TBC1D23: variants seen among roughly 807,000 people sequenced by gnomAD.
TBC1D23 encodes HCV non-structural protein 4A-transactivated protein 1.
A neutral mutation model predicts 91.4 loss-of-function variants in TBC1D23; 55 were observed. The ratio of observed to expected loss-of-function variants is 0.60; its 90% CI spans 0.48 to 0.75. TBC1D23 has a LOEUF of 0.75. TBC1D23 is among the 30% of genes least tolerant of loss of function. The pLI is 0.00. For missense variants in TBC1D23, 725 were observed against 836.1 expected (o/e 0.87, Z 1.64); for synonymous variants, 289 against 281.0 (o/e 1.03, Z -0.28).
chr3:100,321,174 C>T (rs1705852128), intron 18 of TBC1D23, among the ~76,000 whole-genome samples: 1 of 152,152 alleles, frequency 6.6e-6, no homozygotes, highest in African/African-American at 2.4e-5. Flanking sequence ...GAGTAAGTGC[C>T]ATAGCTAATT....
chr3:100,318,975 T>A, intron 16 of TBC1D23, 94 bp from the exon 17 acceptor site: 1 of 797,046 alleles, frequency 1.3e-6, no homozygotes. Flanking sequence ...AATCCATATC[T>A]TCAAAATACT....
Position 100,283,801 on chromosome 3 carries a change from T to A in TBC1D23, c.466T>A (p.Tyr156Asn). ...YNCFYAIMNKYIPRDCSQKGR... is the reference protein window; with the variant it reads ...YNCFYAIMNKNIPRDCSQKGR... ...CTGCTTTTATGCCATAATGAATAAG[T>A]ACATTCCCAGGTAAAATATGATTCA... The change falls in exon 4 of 19, where the codon TAC becomes AAC. Residue 156 changes from tyrosine (Y) to asparagine (N), a missense_variant. Physicochemically the swap from Tyr to Asn is moderately radical, Grantham distance 143 (BLOSUM62 -2). Coordinates refer to ENST00000394144, the MANE Select transcript of TBC1D23 (RefSeq NM_001199198.3). 1 of 1,602,928 alleles carries A rather than the reference T, an allele frequency of 6.2e-7. No individual in the cohort carries two copies. The highest frequency in any genetic ancestry group is 8.5e-7 in the Non-Finnish European group (1 of 1,170,092).
intron 18 of TBC1D23, among the ~76,000 whole-genome samples, chr3:100,322,640 A>G (rs1005450412): frequency 6.6e-6 from 1 of 152,216 alleles, no homozygotes; most frequent in African/African-American, 2.4e-5. Flanking sequence ...CTACTTATAA[A>G]TTAATCCTAA....
At chr3:100,310,040 C>T (rs771555167) in intron 13 of TBC1D23, among the ~76,000 whole-genome samples, 6 of 152,162 alleles carry the variant, frequency 3.9e-5, no homozygotes, top group Non-Finnish European at 8.8e-5. Flanking sequence ...GCTAAAAGTC[C>T]AAGATGAAAG....
At chr3:100,297,176 CT>C (rs755071936) in intron 8 of TBC1D23, among the ~76,000 whole-genome samples, 21 of 150,964 alleles carry the variant, frequency 1.4e-4, no homozygotes, top group Non-Finnish European at 2.5e-4. Context: ...ATGAGAGCAC[CT>C]TTTTTTTTAA....
chr3:100,311,959 C>G, intron 15 of TBC1D23, 82 bp downstream of exon 15: 5 of 927,776 alleles, frequency 5.4e-6, no homozygotes, highest in Non-Finnish European at 6.6e-6. Flanking sequence ...CTCATGCTGT[C>G]TTGGCTCAAA....
At chr3:100,290,831 G>T in intron 5 of TBC1D23, 130 bp downstream of exon 5, 5 of 647,918 alleles carry the variant, frequency 7.7e-6, no homozygotes, top group South Asian at 4.5e-5. Context: ...AAACCAAAGG[G>T]GTAAAATTAT....
chr3:100,293,672 A>G (rs2067812954), intron 5 of TBC1D23, among the ~76,000 whole-genome samples: 1 of 152,192 alleles, frequency 6.6e-6, no homozygotes, highest in South Asian at 2.1e-4. Flanking sequence ...TAGTAGCATT[A>G]TGTATTTTAA....
chr3:100,291,009 G>A (rs945303756), intron 5 of TBC1D23, among the ~76,000 whole-genome samples: 3 of 152,102 alleles, frequency 2.0e-5, no homozygotes, highest in Admixed American at 6.5e-5. Flanking sequence ...ATATGAATAT[G>A]TACATGTAAT....
intron 13 of TBC1D23, among the ~76,000 whole-genome samples, chr3:100,309,638 G>T (rs1444683534): frequency 1.2e-5 from 1 of 81,528 alleles, no homozygotes; most frequent in Non-Finnish European, 2.6e-5. Context: ...TTGAGACAGC[G>T]TCTCGCTCTG....
intron 2 of TBC1D23, among the ~76,000 whole-genome samples, chr3:100,280,687 C>T (rs2067686654): frequency 6.6e-6 from 1 of 152,152 alleles, no homozygotes; most frequent in Non-Finnish European, 1.5e-5. Context: ...TAAGCACATG[C>T]AAAAGTGTAG....
At chr3:100,273,665 A>T (rs2067621588) in intron 1 of TBC1D23, among the ~76,000 whole-genome samples, 1 of 152,206 alleles carries the variant, frequency 6.6e-6, no homozygotes, top group Non-Finnish European at 1.5e-5. Flanking sequence ...CTGGTACAAG[A>T]ACAGACACAT....
intron 15 of TBC1D23, among the ~76,000 whole-genome samples, chr3:100,314,175 T>C (rs1294729358): frequency 7.1e-6 from 1 of 140,822 alleles, no homozygotes; most frequent in Non-Finnish European, 1.5e-5. Context: ...CTCGGCTCAC[T>C]GCAACCTGTG....
In TBC1D23 at chr3:100,320,883, A is replaced by G; in HGVS notation, c.1930A>G (p.Ile644Val). Residue 644 changes from isoleucine (I) to valine (V), a missense_variant, in exon 18 of 19, where the codon ATT (isoleucine) becomes GTT (valine). Ile to Val is a conservative substitution (Grantham distance 29). Transcript: ENST00000394144. ...SRQALNSVVK[I>V]TSKKKHPELI... ...ACAAGCGCTGAATTCTGTAGTTAAA[A>G]TTACATCCAAAAAAAAACATCCTGA... The G allele has an allele frequency of 6.2e-7, 1 of 1,613,248 alleles. No homozygotes were observed. Among genetic ancestry groups the G allele is most frequent in the Non-Finnish European group, 8.5e-7 (1 of 1,179,506 alleles).
intron 13 of TBC1D23, among the ~76,000 whole-genome samples, chr3:100,307,794 G>A (rs946893920): frequency 1.3e-5 from 2 of 151,772 alleles, no homozygotes; most frequent in African/African-American, 4.8e-5. Context: ...GTTCTCTATT[G>A]TTCAATATTT....
chr3:100,262,363 T>G (rs1481417713), intron 1 of TBC1D23, among the ~76,000 whole-genome samples: 1 of 152,118 alleles, frequency 6.6e-6, no homozygotes, highest in African/African-American at 2.4e-5. Context: ...TAAGTAGGAT[T>G]TAAGCCCCAG....
rs187247809 is a variant in TBC1D23, at chr3:100,312,284, G to A, written c.1598+407G>A. On this transcript the variant is annotated intron_variant, in intron 15 of 18. Coordinates refer to ENST00000394144, the MANE Select transcript of TBC1D23 (RefSeq NM_001199198.3). ...ATTATAGCACCTAAAAATAGGCACC[G>A]TTCATGGTTCAAAATTTTTGTTAAT... Among the ~76,000 whole-genome samples, 377 of 152,182 alleles carry A rather than the reference G, an allele frequency of 2.5e-3. 1 individual carries two copies. Among genetic ancestry groups the A allele is most frequent in the African/African-American group, 8.6e-3 (356 of 41,528 alleles).
In TBC1D23 at chr3:100,323,754, C is replaced by G; in HGVS notation, c.*86C>G. The G allele has an allele frequency of 1.9e-6, 1 of 515,332 alleles. No homozygotes were observed. The highest frequency in any genetic ancestry group is 4.7e-5 in the South Asian group (1 of 21,294). The allele number at this position is 515,332 out of a possible 1,614,324, so 31.9% of individuals were successfully genotyped here. ...TCCTGACTGAATACTAACTGGAGAC[C>G]TTTCATTTGCTCATGGGGCTGCTTA... On this transcript the variant is annotated 3_prime_UTR_variant, in exon 19 of 19. Transcript: ENST00000394144.
At chr3:100,312,444 A>G (rs920470524) in intron 15 of TBC1D23, among the ~76,000 whole-genome samples, 5 of 152,162 alleles carry the variant, frequency 3.3e-5, no homozygotes, top group African/African-American at 1.2e-4. Flanking sequence ...TGTTGAAAAA[A>G]AATTACATTT....
Sources: allele counts gnomAD v4.1 joint callset (sites outside exome capture counted in the v4.1 genomes callset), GRCh38; gene constraint gnomAD v4.1.1; transcripts MANE v1.5; gene names NCBI Gene and HGNC (gene_info 2026-07-23, HGNC 2026-07-21).